Variants in REXO1 observed in about 807,000 individuals in gnomAD.
REXO1 encodes RNA exonuclease 1 homolog.
A neutral mutation model predicts 102.6 loss-of-function variants in REXO1; 42 were observed. That is an observed-to-expected ratio of 0.41 (90% CI 0.32 to 0.53). REXO1 has a LOEUF of 0.53. Ranked by LOEUF, REXO1 falls within the 20% of genes least tolerant of loss-of-function variation. REXO1 has a pLI of 0.27. For synonymous variants in REXO1, 908 were observed against 779.1 expected (o/e 1.17, Z -2.76); for missense variants, 1,819 against 1,732.5 (o/e 1.05, Z -0.89).
chr19:1,817,888 G>A, intron 10 of REXO1, 108 bp from the exon 11 acceptor site: 2 of 840,284 alleles, frequency 2.4e-6, no homozygotes, highest in Middle Eastern at 3.4e-4. Flanking sequence ...TGAGGACTGA[G>A]GACAGGAGGC....
chr19:1,841,965 CT>C (rs1383417327), intron 1 of REXO1, among the ~76,000 whole-genome samples: 1 of 152,156 alleles, frequency 6.6e-6, no homozygotes, highest in Non-Finnish European at 1.5e-5. Flanking sequence ...AATCCCAGCA[CT>C]TTGGGAGGCT....
At chr19:1,840,164 T>C (rs1048258223) in intron 1 of REXO1, among the ~76,000 whole-genome samples, 2 of 152,200 alleles carry the variant, frequency 1.3e-5, no homozygotes, top group African/African-American at 4.8e-5. Flanking sequence ...GCACACGCTC[T>C]CTGCCACCTT....
In REXO1 at chr19:1,815,593, T is replaced by A; in HGVS notation, c.*473A>T. 1.7e-5 allele frequency: 14 copies of A among 824,806 alleles called. No individual in the cohort carries two copies. Among genetic ancestry groups the A allele is most frequent in the East Asian group, 7.2e-5 (1 of 13,808 alleles). 51.1% of individuals were successfully genotyped at this position (824,806 alleles called of 1,614,324 possible). A position where few individuals can be genotyped will look rare whatever the true frequency, so the allele number is the denominator to read the frequency against. ...GCAGGAGGGAAGGCAGCAGGCCCGC[T>A]CTTCCCGGTGGGAAAGATGCTGTGC... On this transcript the variant is annotated 3_prime_UTR_variant, in exon 16 of 16. Transcript: ENST00000170168. This position sits in a 1 kb window ranked among gnomAD's most constrained non-coding sequence, Gnocchi z 4.0.
Position 1,848,293 on chromosome 19 carries a change from C to G in REXO1, c.66G>C (p.Gly22=), listed in dbSNP as rs1017820793. The G allele has an allele frequency of 3.3e-6, 4 of 1,228,964 alleles. No individual in the cohort carries two copies. Among genetic ancestry groups the G allele is most frequent in the Non-Finnish European group, 4.1e-6 (4 of 979,754 alleles). 76.1% of individuals were successfully genotyped at this position (1,228,964 alleles called of 1,614,324 possible). ...DCPYWSGAPG[G]PCRRPYCHFR... ...AGTGGCAGTAGGGCCGCCGGCAGGG[C>G]CCCCCGGGCGCCCCAGACCAATAGG... The change falls in exon 1 of 16, where the codon GGG becomes GGC. Residue 22 remains glycine, a synonymous_variant. Transcript: ENST00000170168.
intron 1 of REXO1, among the ~76,000 whole-genome samples, chr19:1,839,983 T>C (rs2011212756): frequency 6.6e-6 from 1 of 152,184 alleles, no homozygotes; most frequent in Admixed American, 6.5e-5. Context: ...TTTTGGTCTC[T>C]GAGGGCCTCT....
intron 1 of REXO1, among the ~76,000 whole-genome samples, chr19:1,840,310 C>T (rs1269262619): frequency 6.6e-6 from 1 of 151,614 alleles, no homozygotes; most frequent in African/African-American, 2.4e-5. Context: ...AGGCACGGGC[C>T]CCTCCACACC....
rs75443592 is a variant in REXO1, at chr19:1,825,931, C to T, written c.1924G>A (p.Glu642Lys). ...GRLARQPPKEEKSEEKGLSGL... is the reference protein window; with the variant it reads ...GRLARQPPKEKKSEEKGLSGL... ...GAAAGCCCCTTCTCCTCACTCTTCT[C>T]TTCCTTGGGGGGCTAAGACACATGT... Residue 642 changes from glutamate (E) to lysine (K), a missense_variant, in exon 3 of 16, where the codon GAG becomes AAG. Glu to Lys is a moderately conservative substitution (Grantham distance 56). Transcript: ENST00000170168. The T allele has an allele frequency of 6.7e-4, 649 of 966,676 alleles. 8 individuals are homozygous for T. In the South Asian group the frequency reaches 0.011, roughly 16 times the overall value. 59.9% of individuals were successfully genotyped at this position (966,676 alleles called of 1,614,324 possible). A position where few individuals can be genotyped will look rare whatever the true frequency, so the allele number is the denominator to read the frequency against.
At position 1,817,711 on chromosome 19, in the gene REXO1, G is replaced by T; in HGVS notation, c.3086C>A (p.Ala1029Glu). 1 of 1,612,328 alleles carries T rather than the reference G, an allele frequency of 6.2e-7. No individual in the cohort carries two copies. Among genetic ancestry groups the T allele is most frequent in the South Asian group, 1.1e-5 (1 of 90,864 alleles). ...AAAGSVGCQVAKQHVQDGRKE... is the reference protein window; with the variant it reads ...AAAGSVGCQVEKQHVQDGRKE... ...GACTGGGACGCCAGGGCTCACCTTT[G>T]CGACTTGGCAGCCGACAGAGCCGGC... The change falls in exon 11 of 16, where the codon GCA (alanine) becomes GAA (glutamate). Residue 1029 changes from alanine to glutamate, a missense_variant. Coordinates refer to ENST00000170168, the MANE Select transcript of REXO1 (RefSeq NM_020695.4).
At chr19:1,817,831 G>C (rs2069416005) in intron 10 of REXO1, 51 bp from the exon 11 acceptor site, 2 of 1,492,432 alleles carry the variant, frequency 1.3e-6, no homozygotes, top group Admixed American at 1.8e-5. Context: ...CCACTCCACA[G>C]CCCCCGGGGC....
At position 1,827,716 on chromosome 19, in the gene REXO1, G is replaced by C. The variant is rs781656517; in HGVS notation, c.1073C>G (p.Ser358Cys). 2 of 1,571,248 alleles carry C rather than the reference G, an allele frequency of 1.3e-6. No homozygotes were observed. The highest frequency in any genetic ancestry group is 4.5e-5 in the East Asian group (2 of 44,618). Residue 358 changes from serine (S) to cysteine (C), a missense_variant, in exon 2 of 16, where the codon TCC (serine) becomes TGC (cysteine). Coordinates refer to ENST00000170168, the MANE Select transcript of REXO1 (RefSeq NM_020695.4). ...CTGTGAGGACTGGACCTGGGCTGGG[G>C]AGGCGGGCTTGGCTGGGGGCGGCTG... is the stretch of plus-strand genomic sequence containing the variant. ...DLQPPPAKPASPAQVQSSQDG... is the reference protein window; with the variant it reads ...DLQPPPAKPACPAQVQSSQDG...
intron 1 of REXO1, among the ~76,000 whole-genome samples, chr19:1,831,314 C>T (rs557005068): frequency 5.7e-4 from 87 of 152,364 alleles, no homozygotes; most frequent in African/African-American, 1.9e-3. Context: ...GTCTGAAGGT[C>T]GGGCCTCAGG....
intron 4 of REXO1, chr19:1,823,207 A>C (rs2069601289): frequency 3.9e-6 from 1 of 254,280 alleles, no homozygotes; most frequent in African/African-American, 2.2e-5. Context: ...CCCCACTCAC[A>C]CGCCAGGAGA....
chr19:1,844,702 C>T (rs2011456065), intron 1 of REXO1, among the ~76,000 whole-genome samples: 2 of 152,252 alleles, frequency 1.3e-5, no homozygotes, highest in African/African-American at 4.8e-5. Flanking sequence ...CTGCCAGATC[C>T]TGAACCCGAC....
In REXO1 at chr19:1,815,904, TG is replaced by T; in HGVS notation, c.*161del. ...GGGTGCGGCAGGACGTGAGCGGGGG[TG>T]GGCTGGGCTGGGCGTTCTCTGGCCG... On this transcript the variant is annotated 3_prime_UTR_variant, in exon 16 of 16. Coordinates refer to ENST00000170168, the MANE Select transcript of REXO1 (RefSeq NM_020695.4). This position sits in a 1 kb window ranked among gnomAD's most constrained non-coding sequence, Gnocchi z 4.0. The T allele has an allele frequency of 1.2e-6, 1 of 825,250 alleles. No individual in the cohort carries two copies. The highest frequency in any genetic ancestry group is 1.8e-6 in the Non-Finnish European group (1 of 564,324). 51.1% of individuals were successfully genotyped at this position (825,250 alleles called of 1,614,324 possible).
intron 10 of REXO1, 53 bp from the exon 11 acceptor site, chr19:1,817,833 C>A: frequency 6.8e-7 from 1 of 1,471,710 alleles, no homozygotes; most frequent in Non-Finnish European, 9.4e-7. Flanking sequence ...ACTCCACAGC[C>A]CCCGGGGCAC....
In REXO1 at chr19:1,821,620, G is replaced by A. The variant is rs774718210; in HGVS notation, c.2293C>T (p.Pro765Ser). The A allele has an allele frequency of 3.7e-6, 6 of 1,613,556 alleles. No individual in the cohort carries two copies. The highest frequency in any genetic ancestry group is 5.1e-6 in the Non-Finnish European group (6 of 1,179,894). The change falls in exon 5 of 16, where the codon CCA becomes TCA. Residue 765 changes from proline to serine, a missense_variant. Physicochemically the swap from Pro to Ser is moderately conservative, Grantham distance 74 (BLOSUM62 -1). Coordinates refer to ENST00000170168, the MANE Select transcript of REXO1 (RefSeq NM_020695.4). ...CGTGTTTTCAGCTGCTGGCCACCTG[G>A]CTCAGGGCCGTTGGAGGACTGGCTG... is the stretch of plus-strand genomic sequence containing the variant. ...SGSQSSNGPE[P>S]GGQQLKTRTL...
At chr19:1,839,446 C>T (rs1040321573) in intron 1 of REXO1, among the ~76,000 whole-genome samples, 1 of 152,028 alleles carries the variant, frequency 6.6e-6, no homozygotes, top group East Asian at 1.9e-4. Flanking sequence ...GGCACCTCCA[C>T]GGGGCGCTGC....
intron 7 of REXO1, 108 bp downstream of exon 7, chr19:1,819,826 T>A: frequency 2.4e-6 from 3 of 1,244,956 alleles, no homozygotes; most frequent in Non-Finnish European, 3.2e-6. Flanking sequence ...TCCTTTTGTC[T>A]GAGACTGTGG....
At position 1,827,015 on chromosome 19, in the gene REXO1, T is replaced by C. The variant is rs2069746487; in HGVS notation, c.1774A>G (p.Ser592Gly). 1.5e-6 allele frequency: 2 copies of C among 1,372,518 alleles called. No homozygotes were observed. Among genetic ancestry groups the C allele is most frequent in the Non-Finnish European group, 1.9e-6 (2 of 1,036,858 alleles). The allele number at this position is 1,372,518 out of a possible 1,614,324, so 85.0% of individuals were successfully genotyped here. A position where few individuals can be genotyped will look rare whatever the true frequency, so the allele number is the denominator to read the frequency against. The change falls in exon 2 of 16, where the codon AGC becomes GGC. Residue 592 changes from serine to glycine, a missense_variant. Physicochemically the swap from Ser to Gly is moderately conservative, Grantham distance 56. Coordinates refer to ENST00000170168, the MANE Select transcript of REXO1 (RefSeq NM_020695.4). ...SSSSSSSSTS[S>G]AGADVDYSAL... ...GAGTAGTCCACATCCGCCCCCGCGCTGGAGGTGGAGGAGGAGGAGGAGGAG... is the reference window on the plus strand; with the variant it reads ...GAGTAGTCCACATCCGCCCCCGCGCCGGAGGTGGAGGAGGAGGAGGAGGAG...
Sources: allele counts gnomAD v4.1 joint callset (sites outside exome capture counted in the v4.1 genomes callset), GRCh38; gene constraint gnomAD v4.1.1; non-coding constraint Gnocchi (gnomAD v3.1); transcripts MANE v1.5; gene names NCBI Gene and HGNC (gene_info 2026-07-23, HGNC 2026-07-21).